KAZN: variants seen among roughly 807,000 people sequenced by gnomAD.
KAZN encodes kazrin, periplakin interacting protein, also known as kazrin.
Under a neutral mutation model 87.4 loss-of-function variants are expected in KAZN, and 40 were observed. That is an observed-to-expected ratio of 0.46 (90% CI 0.36 to 0.60). The LOEUF is 0.60. Ranked by LOEUF, KAZN falls within the 20% of genes least tolerant of loss-of-function variation. KAZN has a pLI of 0.00. For synonymous variants in KAZN, 466 were observed against 458.3 expected (o/e 1.02, Z -0.22); for missense variants, 898 against 1,073.9 (o/e 0.84, Z 2.29).
At chr1:13,983,681 A>G (rs762413325) in intron 1 of KAZN, among the ~76,000 whole-genome samples, 3 of 152,226 alleles carry the variant, frequency 2.0e-5, no homozygotes, top group Non-Finnish European at 4.4e-5. Context: ...GGAGGTGCCG[A>G]GAGCGAGCGA....
chr1:14,584,525 A>G (rs749114151), intron 2 of KAZN, among the ~76,000 whole-genome samples: 1 of 152,170 alleles, frequency 6.6e-6, no homozygotes, highest in Non-Finnish European at 1.5e-5. Context: ...TGGTATCTAA[A>G]CCAGTGCTTG....
chr1:14,031,417 G>A (rs994921980), intron 1 of KAZN, among the ~76,000 whole-genome samples: 2 of 152,168 alleles, frequency 1.3e-5, no homozygotes, highest in African/African-American at 4.8e-5. Context: ...AAGATGTTGC[G>A]GGCAACCAGC....
intron 2 of KAZN, among the ~76,000 whole-genome samples, chr1:14,516,348 C>T (rs1168036446): frequency 6.6e-6 from 1 of 152,198 alleles, no homozygotes; most frequent in African/African-American, 2.4e-5. Context: ...AGCATCTCTT[C>T]TCACCGGCAG....
chr1:15,030,254 T>G (rs1226020839), intron 2 of KAZN, among the ~76,000 whole-genome samples: 2 of 152,162 alleles, frequency 1.3e-5, no homozygotes, highest in East Asian at 3.9e-4. Flanking sequence ...TCTTTATTTT[T>G]ATTTTGATTT....
At chr1:13,917,797 C>CAAAAAA (rs35268955) in intron 1 of KAZN, among the ~76,000 whole-genome samples, 12 of 77,912 alleles carry the variant, frequency 1.5e-4, no homozygotes, top group African/African-American at 3.2e-4. Context: ...CCTGTGTCAT[C>CAAAAAA]AAAAAAAAAA....
chr1:13,942,433 G>A (rs914634237), intron 1 of KAZN, among the ~76,000 whole-genome samples: 15 of 147,798 alleles, frequency 1.0e-4, no homozygotes, highest in Admixed American at 5.4e-4. Context: ...CCAGCTACTC[G>A]GGAGGCTGAG....
At chr1:14,014,786 T>G (rs1640485791) in intron 1 of KAZN, among the ~76,000 whole-genome samples, 1 of 152,156 alleles carries the variant, frequency 6.6e-6, no homozygotes, top group African/African-American at 2.4e-5. Context: ...GGAGCCCTGT[T>G]TAAAATAATA....
intron 2 of KAZN, among the ~76,000 whole-genome samples, chr1:14,413,903 A>G (rs1002770846): frequency 6.6e-6 from 1 of 152,214 alleles, no homozygotes; most frequent in Non-Finnish European, 1.5e-5. Flanking sequence ...AAAGGTCACA[A>G]AAGACAAAAT....
chr1:14,419,897 G>T (rs759822883), intron 2 of KAZN, among the ~76,000 whole-genome samples: 1 of 152,100 alleles, frequency 6.6e-6, no homozygotes, highest in Non-Finnish European at 1.5e-5. Context: ...CCCAAAGAGC[G>T]AGCAACAATG....
chr1:14,862,817 G>T (rs541607783), intron 1 of KAZN, among the ~76,000 whole-genome samples: 132 of 152,320 alleles, frequency 8.7e-4, no homozygotes, highest in Non-Finnish European at 1.7e-3. Flanking sequence ...AATTTCACCA[G>T]TTATTTATCA....
At chr1:15,104,969 G>C (rs1184573333) in intron 13 of KAZN, among the ~76,000 whole-genome samples, 1 of 152,188 alleles carries the variant, frequency 6.6e-6, no homozygotes, top group Non-Finnish European at 1.5e-5. Flanking sequence ...TTGATTGATT[G>C]AATTTCATAT....
intron 1 of KAZN, among the ~76,000 whole-genome samples, chr1:14,738,499 A>T (rs917528774): frequency 2.0e-5 from 3 of 152,096 alleles, no homozygotes; most frequent in Admixed American, 2.0e-4. Context: ...CAAGCATCCA[A>T]TTAATCAGCA....
rs547438775 is a variant in KAZN at position 14,599,015 on chromosome 1, G to A, written c.18G>A (p.Lys6=). MMEDN[K]QLALRIDGAV... is the part of the protein sequence containing the mutation. ...TCCTGAGCATGATGGAAGACAATAA[G>A]CAGCTCGCGCTCCGCATCGATGGGG... The change falls in exon 1 of 15, where the codon AAG becomes AAA. Residue 6 remains lysine (K), a synonymous_variant. Coordinates refer to ENST00000376030, the MANE Select transcript of KAZN (RefSeq NM_201628.3). The surrounding 1 kb of genome is among the most constrained non-coding windows in gnomAD (Gnocchi z 4.4). The A allele has an allele frequency of 1.3e-6, 2 of 1,570,962 alleles. No individual in the cohort carries two copies. Among genetic ancestry groups the A allele is most frequent in the East Asian group, 5.1e-5 (2 of 38,932 alleles).
chr1:14,806,876 T>C (rs1228587118), intron 1 of KAZN, among the ~76,000 whole-genome samples: 1 of 152,210 alleles, frequency 6.6e-6, no homozygotes, highest in Non-Finnish European at 1.5e-5. Context: ...ATGTGGAATA[T>C]ATAAACTCAT....
At chr1:14,536,121 C>A (rs1399330248) in intron 2 of KAZN, among the ~76,000 whole-genome samples, 1 of 152,176 alleles carries the variant, frequency 6.6e-6, no homozygotes, top group Non-Finnish European at 1.5e-5. Flanking sequence ...GCATGGTCAA[C>A]CCAATCCGGG....
At chr1:14,465,094 G>A (rs1331070577) in intron 2 of KAZN, among the ~76,000 whole-genome samples, 1 of 151,942 alleles carries the variant, frequency 6.6e-6, no homozygotes, top group African/African-American at 2.4e-5. Flanking sequence ...GAGCTGGCAC[G>A]GATGGTCCAA....
At chr1:14,366,640 C>T (rs747744043) in intron 2 of KAZN, among the ~76,000 whole-genome samples, 73 of 152,132 alleles carry the variant, frequency 4.8e-4, no homozygotes, top group Middle Eastern at 3.2e-3. Context: ...TGTGTGCCAG[C>T]GGGAAGAAAC....
rs140616426 is a variant in KAZN at position 13,923,311 on chromosome 1, C to A, written c.91+29555C>A. 2.0e-3 allele frequency among the ~76,000 whole-genome samples: 301 copies of A among 152,152 alleles called. 5 individuals carry two copies. The East Asian group carries it at 0.034, about 17-fold the overall frequency. On this transcript the variant is annotated intron_variant, in intron 1 of 16. Transcript: ENST00000636203. ...TACCATGGCTGGGGGTGGTGGCTCA[C>A]GCCTGTAATCCCAGCACTTTGGGAG...
intron 1 of KAZN, among the ~76,000 whole-genome samples, chr1:14,805,059 A>T (rs964998211): frequency 2.0e-5 from 3 of 152,226 alleles, no homozygotes; most frequent in Admixed American, 2.0e-4. Flanking sequence ...ACATGGGGAG[A>T]AAACCGTACC....
Sources: allele counts gnomAD v4.1 joint callset (sites outside exome capture counted in the v4.1 genomes callset), GRCh38; gene constraint gnomAD v4.1.1; non-coding constraint Gnocchi (gnomAD v3.1); transcripts MANE v1.5; gene names NCBI Gene and HGNC (gene_info 2026-07-23, HGNC 2026-07-21).